The following DAPK1 variants were observed in gnomAD, a reference collection of about 807,000 sequenced individuals.
The protein encoded by DAPK1 is death associated protein kinase 1.
Under a neutral mutation model 144.9 loss-of-function variants are expected in DAPK1, and 56 were observed. That is an observed-to-expected ratio of 0.39 (90% CI 0.31 to 0.48). The LOEUF (loss-of-function observed/expected upper bound fraction) is 0.48, where lower values mean the gene tolerates loss of function less well. Ranked by LOEUF, DAPK1 falls within the 20% of genes least tolerant of loss-of-function variation. DAPK1 has a pLI of 0.95. For synonymous variants in DAPK1, 690 were observed against 749.0 expected (o/e 0.92, Z 1.29); for missense variants, 1,454 against 1,875.4 (o/e 0.78, Z 4.15).
chr9:87,605,786 G>A (rs1407595717), intron 3 of DAPK1, among the ~76,000 whole-genome samples: 1 of 152,166 alleles, frequency 6.6e-6, no homozygotes, highest in African/African-American at 2.4e-5. Context: ...TTATTCTGTG[G>A]CGTTTCTCAT....
intron 2 of DAPK1, among the ~76,000 whole-genome samples, chr9:87,596,596 C>A (rs189855360): frequency 5.3e-5 from 8 of 152,244 alleles, no homozygotes; most frequent in Non-Finnish European, 1.0e-4. Flanking sequence ...GATGAGAGGG[C>A]CCGTTTTTCT....
At chr9:87,577,097 C>T (rs866068277) in intron 2 of DAPK1, among the ~76,000 whole-genome samples, 74 of 152,078 alleles carry the variant, frequency 4.9e-4, no homozygotes, top group African/African-American at 1.7e-3. Context: ...CTGGTTTGTC[C>T]CTCAAATATA....
chr9:87,626,574 G>A (rs570136776), intron 3 of DAPK1, among the ~76,000 whole-genome samples: 1 of 152,154 alleles, frequency 6.6e-6, no homozygotes, highest in Non-Finnish European at 1.5e-5. Context: ...TTCCAAACTG[G>A]GCTAGATATC....
At chr9:87,675,886 C>CACACACAT (rs1824354630) in intron 19 of DAPK1, among the ~76,000 whole-genome samples, 1 of 151,716 alleles carries the variant, frequency 6.6e-6, no homozygotes, top group Non-Finnish European at 1.5e-5. Context: ...CACACACACA[C>CACACACAT]ACACACACAC....
intron 3 of DAPK1, among the ~76,000 whole-genome samples, chr9:87,619,715 G>T (rs1476575200): frequency 6.6e-6 from 1 of 152,184 alleles, no homozygotes; most frequent in African/African-American, 2.4e-5. Context: ...AAGGACAGTC[G>T]ATGGGACTCC....
At chr9:87,498,150 CG>C in intron 1 of DAPK1, 43 bp downstream of exon 1, 2 of 397,170 alleles carry the variant, frequency 5.0e-6, no homozygotes, top group Non-Finnish European at 8.9e-6. Flanking sequence ...CGACCCCCGG[CG>C]CCAGCTTTTG....
intron 2 of DAPK1, among the ~76,000 whole-genome samples, chr9:87,512,165 C>T (rs1028861285): frequency 6.6e-6 from 1 of 152,232 alleles, no homozygotes; most frequent in African/African-American, 2.4e-5. Context: ...TCAAGTGATC[C>T]TCTCACCTCA....
At chr9:87,695,581 C>T (rs554844598) in intron 21 of DAPK1, among the ~76,000 whole-genome samples, 1 of 152,274 alleles carries the variant, frequency 6.6e-6, no homozygotes, top group South Asian at 2.1e-4. Flanking sequence ...CAATTGCCCC[C>T]ACATACAACC....
At chr9:87,605,793 T>C (rs1377334478) in intron 3 of DAPK1, among the ~76,000 whole-genome samples, 1 of 152,178 alleles carries the variant, frequency 6.6e-6, no homozygotes, top group Admixed American at 6.5e-5. Flanking sequence ...GTGGCGTTTC[T>C]CATCTCCCTC....
chr9:87,540,352 G>T (rs1826004796), intron 2 of DAPK1, among the ~76,000 whole-genome samples: 1 of 151,886 alleles, frequency 6.6e-6, no homozygotes, highest in Non-Finnish European at 1.5e-5. Flanking sequence ...ACCATGCCTG[G>T]CTAATTTTTG....
chr9:87,680,298 G>T (rs552795492), intron 19 of DAPK1, among the ~76,000 whole-genome samples: 67 of 152,030 alleles, frequency 4.4e-4, no homozygotes, highest in Non-Finnish European at 8.7e-4. Flanking sequence ...TAGAGACGGG[G>T]TTTCACCATG....
intron 2 of DAPK1, among the ~76,000 whole-genome samples, chr9:87,576,850 G>A (rs1487648223): frequency 6.6e-6 from 1 of 152,130 alleles, no homozygotes; most frequent in African/African-American, 2.4e-5. Flanking sequence ...GTGAGCCACC[G>A]CGCCTGGCCC....
chr9:87,647,437 G>A lies in DAPK1; in HGVS notation c.1329+34G>A, dbSNP rs979289484. The A allele has an allele frequency of 9.0e-6, 14 of 1,561,622 alleles. No homozygotes were observed. The African/African-American group carries it at 1.9e-4, about 21-fold the overall frequency. On this transcript the variant is annotated intron_variant, in intron 14 of 25. Coordinates refer to ENST00000408954, the MANE Select transcript of DAPK1 (RefSeq NM_004938.4). ...ACTTCTCTTAGGAGGAACATGAGGT[G>A]GTAGTAAATGGATGCATGTGAGTGT... is the stretch of plus-strand genomic sequence containing the variant.
chr9:87,675,285 A>G (rs1403977913), intron 19 of DAPK1, among the ~76,000 whole-genome samples: 3 of 151,968 alleles, frequency 2.0e-5, no homozygotes, highest in Non-Finnish European at 2.9e-5. Context: ...GGTGGAGTCT[A>G]CTTTCACCTG....
intron 24 of DAPK1, 66 bp from the exon 25 acceptor site, chr9:87,702,963 C>T (rs915714561): frequency 1.2e-5 from 9 of 749,116 alleles, no homozygotes; most frequent in African/African-American, 1.7e-5. Context: ...GTCCTTTCCA[C>T]TGTGGCTCTG....
At position 87,639,749 on chromosome 9, in the gene DAPK1, C is replaced by T. The variant is rs1830031276; in HGVS notation, c.603-40C>T. ...TTGCTTTCTGATTTATTTGACTATT[C>T]TTCTGACATGTTTTTTTGTTTGTTT... On this transcript the variant is annotated intron_variant, in intron 6 of 25. Coordinates refer to ENST00000408954, the MANE Select transcript of DAPK1 (RefSeq NM_004938.4). 13 of 1,612,334 alleles carry T rather than the reference C, an allele frequency of 8.1e-6. No homozygotes were observed. The East Asian group carries it at 2.9e-4, about 36-fold the overall frequency.
chr9:87,675,895 A>ACACACACACACACACC lies in DAPK1; in HGVS notation c.2002-5508_2002-5507insACACACACACACACCC, dbSNP rs1179826339. On this transcript the variant is annotated intron_variant, in intron 19 of 25. Transcript: ENST00000408954. Reference sequence around the variant, plus strand: ...CACACACACACACACACACACACACACCCTTATGACCACCTGGAAGGTTCT... The same window carrying ACACACACACACACACC: ...CACACACACACACACACACACACACACACACACACACACACCCCCTTATGACCACCTGGAAGGTTCT... 4.0e-4 allele frequency among the ~76,000 whole-genome samples: 53 copies of ACACACACACACACACC among 132,892 alleles called. 1 individual carries two copies. Among genetic ancestry groups the ACACACACACACACACC allele is most frequent in the African/African-American group, 1.2e-3 (43 of 34,730 alleles). The allele number at this position is 132,892 out of a possible 152,430, so 87.2% of individuals were successfully genotyped here.
chr9:87,556,073 T>G (rs11141879), intron 2 of DAPK1, among the ~76,000 whole-genome samples: 115,930 of 152,140 alleles, frequency 0.76, 45,042 homozygotes, highest in African/African-American at 0.92. Context: ...GCCCGGGGCA[T>G]ATGAAGAACT....
chr9:87,676,867 G>A (rs1824404562), intron 19 of DAPK1, among the ~76,000 whole-genome samples: 1 of 152,312 alleles, frequency 6.6e-6, no homozygotes, highest in South Asian at 2.1e-4. Context: ...GTCTGTTCCT[G>A]TCTCCTCTGC....
Sources: gnomAD v4.1 joint callset for allele counts (sites outside exome capture counted in the v4.1 genomes callset) on GRCh38, gnomAD v4.1.1 for gene constraint, MANE v1.5 for transcripts, NCBI Gene and HGNC (gene_info 2026-07-23, HGNC 2026-07-21) for gene names.